Variants in PDLIM2 observed in about 807,000 individuals in gnomAD.
PDLIM2 encodes the protein PDZ and LIM domain protein 2.
Under a neutral mutation model 54.1 loss-of-function variants are expected in PDLIM2, and 51 were observed. The ratio of observed to expected loss-of-function variants is 0.94; its 90% confidence interval spans 0.75 to 1.19. The LOEUF (loss-of-function observed/expected upper bound fraction) is 1.19. Among genes scored for constraint, PDLIM2 ranks in the 50% most tolerant of loss-of-function variants. The pLI is 0.00. For synonymous variants in PDLIM2, 398 were observed against 385.6 expected (o/e 1.03, Z -0.38); for missense variants, 912 against 874.0 (o/e 1.04, Z -0.55).
intron 7 of PDLIM2, 93 bp downstream of exon 6, chr8:22,589,467 C>T: frequency 6.5e-7 from 1 of 1,530,102 alleles, no homozygotes; most frequent in South Asian, 1.2e-5. Context: ...TGGGGTCCCC[C>T]AAGCCCAGTT....
chr8:22,580,284 A>G (rs2117334157), intron 1 of PDLIM2, 191 bp from the exon 1 acceptor site: 1 of 408,814 alleles, frequency 2.4e-6, no homozygotes, highest in Non-Finnish European at 4.5e-6. Context: ...CATCCCCTCC[A>G]CTTGCCAGCC....
At chr8:22,580,728 G>T (rs759702337) in intron 2 of PDLIM2, 31 bp downstream of exon 1, 10 of 1,608,782 alleles carry the variant, frequency 6.2e-6, no homozygotes, top group African/African-American at 5.3e-5. Flanking sequence ...AGATGAGAAG[G>T]TCCTGCCAGA....
intron 1 of PDLIM2, 104 bp from the exon 1 acceptor site, chr8:22,580,371 A>T: frequency 9.3e-7 from 1 of 1,073,124 alleles, no homozygotes; most frequent in Non-Finnish European, 1.3e-6. Flanking sequence ...CCCTGGGCTG[A>T]AGACTAAGGA....
chr8:22,589,856 A>G, intron 8 of PDLIM2, 115 bp downstream of exon 7: 1 of 1,400,020 alleles, frequency 7.1e-7, no homozygotes, highest in Non-Finnish European at 9.7e-7. Flanking sequence ...TCACCCCAGG[A>G]CTAGGCACGG....
exon 5 of PDLIM2, chr8:22,585,023 G>T (rs369965465): frequency 3.1e-6 from 5 of 1,613,762 alleles, no homozygotes; most frequent in African/African-American, 1.3e-5. Context: ...ACAGGGCTCC[G>T]TGAGGACATA....
downstream of PDLIM2, chr8:22,595,045 C>T (rs1800656118): frequency 2.4e-5 from 4 of 168,928 alleles, no homozygotes; most frequent in South Asian, 5.5e-4. Flanking sequence ...TTTTGGGCGT[C>T]ATTCACCCAC....
chr8:22,581,713 T>A (rs955767553), intron 3 of PDLIM2, among the ~76,000 whole-genome samples, 183 bp downstream of exon 2: 1 of 151,984 alleles, frequency 6.6e-6, no homozygotes. Flanking sequence ...GGCTGAGGGG[T>A]GTTCCCATGC....
exon 10 of PDLIM2, chr8:22,594,164 C>G (rs1367980617): frequency 3.5e-6 from 5 of 1,415,532 alleles, no homozygotes; most frequent in Non-Finnish European, 2.8e-6. Context: ...CTTTGATCAA[C>G]CTTTGTGTGC....
At chr8:22,595,961 GT>G (rs74392767), downstream of PDLIM2, 3,926 of 143,752 alleles carry the variant, frequency 0.027, 88 homozygotes, top group East Asian at 0.068. Context: ...TAATTTTTAA[GT>G]TTTTTTTTTT....
chr8:22,594,397 CT>C, downstream of PDLIM2: 1 of 1,552,306 alleles, frequency 6.4e-7, no homozygotes, highest in Non-Finnish European at 8.7e-7. Flanking sequence ...TACGTTTCTT[CT>C]TCTTTTCCCT....
Position 22,593,919 on chromosome 8 carries a change from T to G in PDLIM2, c.*9T>G, listed in dbSNP as rs1384641091. The G allele has an allele frequency of 3.2e-6, 5 of 1,547,770 alleles. No individual in the cohort carries two copies. In the South Asian group the frequency reaches 5.9e-5, roughly 18 times the overall value. ...TCAGCTCTCGGGCCTGAGCCCGCCA[T>G]GCCCTCAGCCTGCCTCACTGCTGGG... On this transcript the variant is annotated 3_prime_UTR_variant, in exon 10 of 10. Coordinates refer to ENST00000308354, the Ensembl canonical transcript of PDLIM2.
At chr8:22,590,538 G>A (rs1800513464) in intron 8 of PDLIM2, 1 of 152,332 alleles carries the variant, frequency 6.6e-6, no homozygotes, top group Non-Finnish European at 1.5e-5. Flanking sequence ...TCCTTAAGGT[G>A]CTCAGCACCA....
At chr8:22,591,913 T>C in intron 9 of PDLIM2, 1 of 420,536 alleles carries the variant, frequency 2.4e-6, no homozygotes, top group Non-Finnish European at 4.2e-6. Flanking sequence ...TCCCTTTTGA[T>C]TTCTCTTTGA....
chr8:22,579,830 G>A (rs1057486294), intron 1 of PDLIM2: 10 of 324,872 alleles, frequency 3.1e-5, no homozygotes, highest in African/African-American at 1.7e-4. Context: ...CTTGCCCAGC[G>A]GAGGGGCTGT....
At position 22,586,834 on chromosome 8, in the gene PDLIM2, A is replaced by G. The variant is rs529083336; in HGVS notation, c.1290+1435A>G. On this transcript the variant is annotated intron_variant, in intron 6 of 9. Coordinates refer to ENST00000308354, the Ensembl canonical transcript of PDLIM2. ...GCATGGCTCCCAAACCAGCGGCAAC[A>G]CCTGAGAACTTGTTGGAAATGCAAC... is the stretch of plus-strand genomic sequence containing the variant. 2.3e-4 allele frequency among the ~76,000 whole-genome samples: 35 copies of G among 152,184 alleles called. No individual in the cohort carries two copies. In the South Asian group the frequency reaches 5.0e-3, roughly 22 times the overall value.
chr8:22,589,263 G>A lies in PDLIM2; in HGVS notation c.1291-35G>A, dbSNP rs1247783168. 4 of 1,532,630 alleles carry A rather than the reference G, an allele frequency of 2.6e-6. No homozygotes were observed. In the South Asian group the frequency reaches 4.8e-5, roughly 18 times the overall value. The allele number at this position is 1,532,630 out of a possible 1,614,324, so 94.9% of individuals were successfully genotyped here. A position where few individuals can be genotyped will look rare whatever the true frequency, so the allele number is the denominator to read the frequency against. On this transcript the variant is annotated intron_variant, in intron 6 of 9. Coordinates refer to ENST00000308354, the Ensembl canonical transcript of PDLIM2. ...CTGGGTGTGTTGGCCCAAGGCTCTG[G>A]CCCTGACTCCTCCCCGGCTGCCTCC...
Position 22,584,803 on chromosome 8 carries a change from C to T in PDLIM2, c.996-18C>T. 4.3e-6 allele frequency: 7 copies of T among 1,613,508 alleles called. No homozygotes were observed. Among genetic ancestry groups the T allele is most frequent in the Non-Finnish European group, 5.9e-6 (7 of 1,179,442 alleles). On this transcript the variant is annotated intron_variant, in intron 3 of 9. Coordinates refer to ENST00000308354, the Ensembl canonical transcript of PDLIM2. ...TGCAGGGCCCCTGTGACATTCCCTC[C>T]CTCTGTTGCCTTCTCAGGTCTCAGG...
chr8:22,579,542 G>A, intron 1 of PDLIM2: 4 of 1,452,740 alleles, frequency 2.8e-6, no homozygotes, highest in Non-Finnish European at 3.6e-6. Flanking sequence ...GGGAATCTCG[G>A]GGCGGCCGCG....
At chr8:22,581,661 C>A in intron 3 of PDLIM2, 131 bp downstream of exon 2, 1 of 1,245,444 alleles carries the variant, frequency 8.0e-7, no homozygotes, top group Non-Finnish European at 1.1e-6. Context: ...CTCTCCACAC[C>A]TTGGTGAGAA....
Sources: allele counts gnomAD v4.1 joint callset (sites outside exome capture counted in the v4.1 genomes callset), GRCh38; gene constraint gnomAD v4.1.1; transcripts MANE v1.5; gene names NCBI Gene and HGNC (gene_info 2026-07-23, HGNC 2026-07-21).